LRRK2: variants seen among roughly 807,000 people sequenced by gnomAD.
The protein encoded by LRRK2 is leucine rich repeat kinase 2.
In LRRK2, 203 loss-of-function variants were observed where a neutral mutation model predicts 302.6. The ratio of observed to expected loss-of-function variants is 0.67; its 90% CI spans 0.60 to 0.75. The LOEUF (loss-of-function observed/expected upper bound fraction) is 0.75, where lower values mean the gene tolerates loss of function less well. Among genes scored for constraint, LRRK2 ranks in the 30% least tolerant of loss-of-function variants. The probability of loss-of-function intolerance (pLI) is 0.00; values close to 1 mark genes in which losing one functional copy is unlikely to be tolerated. For synonymous variants in LRRK2, 1,066 were observed against 1,031.9 expected (o/e 1.03, Z -0.63); for missense variants, 2,830 against 2,951.0 (o/e 0.96, Z 0.95).
intron 47 of LRRK2, among the ~76,000 whole-genome samples, chr12:40,360,973 A>G (rs963640438): frequency 6.6e-6 from 1 of 152,096 alleles, no homozygotes; most frequent in East Asian, 1.9e-4. Context: ...AGTAGCTATA[A>G]TTGTATTTGT....
chr12:40,328,168 G>A (rs1207198681), intron 38 of LRRK2, among the ~76,000 whole-genome samples, 192 bp from the exon 39 acceptor site: 6 of 152,248 alleles, frequency 3.9e-5, no homozygotes, highest in South Asian at 2.1e-4. Context: ...GAAGGTTAAG[G>A]ACAAAATCTT....
intron 11 of LRRK2, among the ~76,000 whole-genome samples, chr12:40,257,046 A>G (rs1480715897): frequency 6.6e-6 from 1 of 152,240 alleles, no homozygotes; most frequent in African/African-American, 2.4e-5. Flanking sequence ...CAAAGGGTTA[A>G]TAAAGGCAAA....
chr12:40,328,819 G>A (rs572550787), intron 39 of LRRK2, among the ~76,000 whole-genome samples: 17 of 152,250 alleles, frequency 1.1e-4, no homozygotes, highest in African/African-American at 4.1e-4. Context: ...AGAAACTTGG[G>A]ACTTTTCAGT....
intron 20 of LRRK2, among the ~76,000 whole-genome samples, chr12:40,288,946 G>A (rs761688176): frequency 6.6e-6 from 1 of 151,474 alleles, no homozygotes. Context: ...TTCTTTTATG[G>A]TTTGTGCTTT....
At chr12:40,352,373 T>C (rs1427826094) in intron 44 of LRRK2, among the ~76,000 whole-genome samples, 1 of 152,022 alleles carries the variant, frequency 6.6e-6, no homozygotes, top group Non-Finnish European at 1.5e-5. Context: ...TTGGCAAATA[T>C]AAGATAAGTT....
chr12:40,290,075 A>G (rs1025781979), intron 20 of LRRK2, among the ~76,000 whole-genome samples: 3 of 151,972 alleles, frequency 2.0e-5, no homozygotes, highest in African/African-American at 7.2e-5. Flanking sequence ...TTTTTCATAG[A>G]TGCCCTTCAT....
chr12:40,306,713 C>A (rs1347825433), intron 28 of LRRK2, among the ~76,000 whole-genome samples: 1 of 152,122 alleles, frequency 6.6e-6, no homozygotes, highest in African/African-American at 2.4e-5. Context: ...ATCTTGGCAC[C>A]CAACACAGTG....
intron 28 of LRRK2, among the ~76,000 whole-genome samples, chr12:40,307,772 T>C (rs945389161): frequency 1.1e-4 from 10 of 93,690 alleles, no homozygotes; most frequent in Non-Finnish European, 1.9e-4. Context: ...TTTTCTTTTC[T>C]TTTCTTTTCT....
intron 47 of LRRK2, among the ~76,000 whole-genome samples, chr12:40,360,021 AGTTG>A (rs1486506088): frequency 2.6e-5 from 4 of 152,214 alleles, no homozygotes; most frequent in African/African-American, 9.6e-5. Flanking sequence ...AAATCTTTGC[AGTTG>A]GTTCTTATTT....
At chr12:40,334,014 G>A (rs1264523823) in intron 39 of LRRK2, among the ~76,000 whole-genome samples, 2 of 152,156 alleles carry the variant, frequency 1.3e-5, no homozygotes, top group Non-Finnish European at 2.9e-5. Flanking sequence ...TTTCATCTAA[G>A]GGAAATGGGA....
chr12:40,339,024 G>A (rs949226554), intron 40 of LRRK2, among the ~76,000 whole-genome samples: 8 of 152,062 alleles, frequency 5.3e-5, no homozygotes, highest in East Asian at 1.9e-4. Context: ...CAAATGTCCC[G>A]ACTACATCCT....
At chr12:40,293,896 C>CATAT (rs1407049752) in intron 21 of LRRK2, among the ~76,000 whole-genome samples, 41 of 84,346 alleles carry the variant, frequency 4.9e-4, no homozygotes, top group African/African-American at 1.2e-3. Context: ...TTTTGGGGCA[C>CATAT]ATATATATAT....
chr12:40,228,387 T>A (rs1016238876), intron 2 of LRRK2, among the ~76,000 whole-genome samples: 6 of 151,976 alleles, frequency 3.9e-5, no homozygotes, highest in African/African-American at 1.4e-4. Flanking sequence ...GTCTGTCTTC[T>A]TTTGAGAAAT....
chr12:40,361,564 C>T (rs1420293433), intron 47 of LRRK2, among the ~76,000 whole-genome samples: 2 of 152,010 alleles, frequency 1.3e-5, no homozygotes, highest in South Asian at 2.1e-4. Context: ...GAAAGGGCCT[C>T]CAGTTTATTT....
At chr12:40,245,997 C>T (rs746025127) in intron 7 of LRRK2, among the ~76,000 whole-genome samples, 1 of 151,782 alleles carries the variant, frequency 6.6e-6, no homozygotes, top group Non-Finnish European at 1.5e-5. Context: ...TTAAATAGAG[C>T]CATTGATACT....
intron 2 of LRRK2, among the ~76,000 whole-genome samples, chr12:40,228,231 T>C (rs1431337086): frequency 6.6e-6 from 1 of 152,138 alleles, no homozygotes; most frequent in African/African-American, 2.4e-5. Context: ...TTTTTCTGCA[T>C]CCTTACCAGC....
At chr12:40,237,731 T>C (rs1941530076) in intron 4 of LRRK2, among the ~76,000 whole-genome samples, 1 of 152,154 alleles carries the variant, frequency 6.6e-6, no homozygotes, top group South Asian at 2.1e-4. Flanking sequence ...TTGAGACTCA[T>C]GAAATTATAG....
Position 40,225,130 on chromosome 12 carries a change from C to T in LRRK2, c.-2C>T, listed in dbSNP as rs772438516. ...GGCGGCGGGTTGGAAGCAGGTGCCA[C>T]CATGGCTAGTGGCAGCTGTCAGGGG... On this transcript the variant is annotated 5_prime_UTR_variant, in exon 1 of 51. Transcript: ENST00000298910. The T allele has an allele frequency of 1.2e-6, 2 of 1,613,688 alleles. No individual in the cohort carries two copies. Among genetic ancestry groups the T allele is most frequent in the Non-Finnish European group, 1.7e-6 (2 of 1,180,004 alleles).
chr12:40,354,125 G>A (rs554142819), intron 44 of LRRK2, among the ~76,000 whole-genome samples, 174 bp from the exon 45 acceptor site: 82 of 152,306 alleles, frequency 5.4e-4, no homozygotes, highest in Non-Finnish European at 9.0e-4. Flanking sequence ...GGCAAAACTT[G>A]TCTGCCAATT....
Sources: allele counts gnomAD v4.1 joint callset (sites outside exome capture counted in the v4.1 genomes callset), GRCh38; gene constraint gnomAD v4.1.1; transcripts MANE v1.5; gene names NCBI Gene and HGNC (gene_info 2026-07-23, HGNC 2026-07-21).